CRPPA: variants seen among roughly 807,000 people sequenced by gnomAD.
CRPPA encodes D-ribitol-5-phosphate cytidylyltransferase.
CRPPA carries 43 observed loss-of-function variants against 52.0 expected under a neutral mutation model. The ratio of observed to expected loss-of-function variants is 0.83; its 90% CI spans 0.65 to 1.07. The LOEUF (loss-of-function observed/expected upper bound fraction) is 1.07, where lower values mean the gene tolerates loss of function less well. CRPPA is among the 50% of genes least tolerant of loss of function. The probability of loss-of-function intolerance (pLI) is 0.00; values close to 1 mark genes in which losing one functional copy is unlikely to be tolerated. For missense variants in CRPPA, 629 were observed against 551.7 expected, an observed-to-expected ratio of 1.14 and a Z score of -1.40; for synonymous variants, 250 against 203.5, an observed-to-expected ratio of 1.23 and a Z score of -1.94.
chr7:16,385,112 C>T (rs1027319883), intron 2 of CRPPA, among the ~76,000 whole-genome samples: 4 of 151,826 alleles, frequency 2.6e-5, no homozygotes, highest in Middle Eastern at 6.8e-3. Context: ...AGACGTAATA[C>T]AATCCAAACA....
intron 3 of CRPPA, among the ~76,000 whole-genome samples, chr7:16,311,080 A>G (rs1033965647): frequency 1.3e-5 from 2 of 152,238 alleles, no homozygotes; most frequent in Non-Finnish European, 2.9e-5. Context: ...AAAGATTTCC[A>G]TATACCCTCA....
chr7:16,099,700 C>G (rs553967425), intron 9 of CRPPA, among the ~76,000 whole-genome samples: 13 of 152,286 alleles, frequency 8.5e-5, no homozygotes, highest in African/African-American at 2.9e-4. Context: ...GCCTGAAGAA[C>G]AAACAGTTCA....
chr7:16,399,654 CGT>C (rs1378938998), intron 2 of CRPPA, among the ~76,000 whole-genome samples: 5 of 152,090 alleles, frequency 3.3e-5, no homozygotes, highest in African/African-American at 9.6e-5. Flanking sequence ...ATGTAATCAA[CGT>C]GTGACACGTG....
At chr7:16,134,669 G>C (rs1305686390) in intron 9 of CRPPA, among the ~76,000 whole-genome samples, 1 of 152,126 alleles carries the variant, frequency 6.6e-6, no homozygotes, top group Non-Finnish European at 1.5e-5. Context: ...ACTTGCTGAA[G>C]TTTCAACAGA....
chr7:16,228,425 T>C (rs1183740737), intron 8 of CRPPA, among the ~76,000 whole-genome samples: 2 of 151,944 alleles, frequency 1.3e-5, no homozygotes, highest in Non-Finnish European at 2.9e-5. Flanking sequence ...TCATTTTTGA[T>C]GTAGGTGTAT....
intron 5 of CRPPA, among the ~76,000 whole-genome samples, chr7:16,288,632 G>A (rs1784495863): frequency 6.6e-6 from 1 of 151,814 alleles, no homozygotes; most frequent in Admixed American, 6.6e-5. Flanking sequence ...CATCACCTGA[G>A]GTCAGGAGTT....
At chr7:16,286,038 A>AAAATAT (rs1784426837) in intron 5 of CRPPA, among the ~76,000 whole-genome samples, 1 of 17,504 alleles carries the variant, frequency 5.7e-5, no homozygotes, top group African/African-American at 3.8e-4. Flanking sequence ...AAAAAAAAAA[A>AAAATAT]ATATAAATAT....
chr7:16,215,078 T>C (rs1047782978), intron 9 of CRPPA, among the ~76,000 whole-genome samples: 18 of 152,340 alleles, frequency 1.2e-4, no homozygotes, highest in African/African-American at 3.8e-4. Flanking sequence ...AGATGGTCCT[T>C]ATATTTAATT....
intron 3 of CRPPA, among the ~76,000 whole-genome samples, chr7:16,329,759 A>G (rs547984743): frequency 6.3e-4 from 96 of 152,314 alleles, no homozygotes; most frequent in African/African-American, 2.3e-3. Context: ...TATATAAGTA[A>G]TCTTTGATTA....
chr7:16,146,559 ATAGC>A, intron 9 of CRPPA, among the ~76,000 whole-genome samples: 1 of 152,316 alleles, frequency 6.6e-6, no homozygotes. Context: ...AAAATTAACT[ATAGC>A]TATAATAATT....
rs146689203 is a variant in CRPPA at position 16,161,028 on chromosome 7, G to A, written c.1251+55038C>T. ...CATTGATTTTGTATCCTGAGACTTT[G>A]CTGAAATTGCTTATCAGCTTAAGGA... On this transcript the variant is annotated intron_variant, in intron 9 of 9. Coordinates refer to ENST00000407010, the MANE Select transcript of CRPPA (RefSeq NM_001101426.4). Among the ~76,000 whole-genome samples, 450 of 152,300 alleles carry A rather than the reference G, an allele frequency of 3.0e-3. 2 individuals carry two copies. The highest frequency in any genetic ancestry group is 0.011 in the African/African-American group (438 of 41,570).
At position 16,173,485 on chromosome 7, in the gene CRPPA, T is replaced by G. The variant is rs539814820; in HGVS notation, c.1251+42581A>C. On this transcript the variant is annotated intron_variant, in intron 9 of 9. Transcript: ENST00000407010. Reference sequence around the variant, plus strand: ...AAATGAAATAACATATGGAACATGTTGAAGGATGAATGAGATTGTTACTCT... The same window carrying G: ...AAATGAAATAACATATGGAACATGTGGAAGGATGAATGAGATTGTTACTCT... Among the ~76,000 whole-genome samples, 3 of 152,314 alleles carry G rather than the reference T, an allele frequency of 2.0e-5. No individual in the cohort carries two copies. The East Asian group carries it at 5.8e-4, about 29-fold the overall frequency.
At chr7:16,103,932 T>A (rs2128364852) in intron 9 of CRPPA, among the ~76,000 whole-genome samples, 1 of 152,226 alleles carries the variant, frequency 6.6e-6, no homozygotes, top group East Asian at 1.9e-4. Context: ...AATTTTAAAT[T>A]ATAAACTTAA....
intron 3 of CRPPA, among the ~76,000 whole-genome samples, chr7:16,332,262 GA>G (rs1302116081): frequency 6.6e-6 from 1 of 152,084 alleles, no homozygotes; most frequent in Non-Finnish European, 1.5e-5. Context: ...AAAAATTGTG[GA>G]AAATTGTTGC....
intron 9 of CRPPA, among the ~76,000 whole-genome samples, chr7:16,205,109 A>G (rs1781942289): frequency 6.6e-6 from 1 of 152,214 alleles, no homozygotes; most frequent in South Asian, 2.1e-4. Flanking sequence ...AGGCAGCAGA[A>G]GGCAAAACAG....
intron 9 of CRPPA, among the ~76,000 whole-genome samples, chr7:16,122,360 T>C (rs990916255): frequency 7.9e-5 from 12 of 152,006 alleles, no homozygotes; most frequent in South Asian, 6.2e-4. Context: ...ATCTTGATTA[T>C]ACACATTTCC....
chr7:16,119,213 G>A (rs994807377), intron 9 of CRPPA, among the ~76,000 whole-genome samples: 12 of 152,084 alleles, frequency 7.9e-5, no homozygotes, highest in Admixed American at 6.5e-4. Context: ...GCTACTATGT[G>A]CACAGATGGT....
At chr7:16,372,904 G>C (rs535409094) in intron 3 of CRPPA, among the ~76,000 whole-genome samples, 1 of 152,268 alleles carries the variant, frequency 6.6e-6, no homozygotes, top group South Asian at 2.1e-4. Context: ...CCTTATACCA[G>C]AAAAAGGGAT....
chr7:16,342,248 C>T (rs2128306140), intron 3 of CRPPA, among the ~76,000 whole-genome samples: 1 of 152,158 alleles, frequency 6.6e-6, no homozygotes, highest in East Asian at 1.9e-4. Flanking sequence ...GTTACTGTTT[C>T]CAGAAATCTT....
Sources: allele counts gnomAD v4.1 joint callset (sites outside exome capture counted in the v4.1 genomes callset), GRCh38; gene constraint gnomAD v4.1.1; transcripts MANE v1.5; gene names NCBI Gene and HGNC (gene_info 2026-07-23, HGNC 2026-07-21).